C2CD5: variants seen among roughly 807,000 people sequenced by gnomAD.
The protein encoded by C2CD5 is C2 calcium dependent domain containing 5.
Under a neutral mutation model 130.3 loss-of-function variants are expected in C2CD5, and 109 were observed. The ratio of observed to expected loss-of-function variants is 0.84; its 90% confidence interval spans 0.72 to 0.98. The LOEUF (loss-of-function observed/expected upper bound fraction) is 0.98. Among genes scored for constraint, C2CD5 ranks in the 50% least tolerant of loss-of-function variants. C2CD5 has a pLI of 0.00. For missense variants in C2CD5, 996 were observed against 1,261.8 expected (o/e 0.79, Z 3.19); for synonymous variants, 454 against 429.2 (o/e 1.06, Z -0.71).
chr12:22,454,250 C>T (rs1042532635), intron 25 of C2CD5, among the ~76,000 whole-genome samples: 1 of 152,144 alleles, frequency 6.6e-6, no homozygotes, highest in Non-Finnish European at 1.5e-5. Context: ...ACTACCTTTA[C>T]TTTACAGATG....
chr12:22,474,097 C>T (rs1163851882), intron 16 of C2CD5, among the ~76,000 whole-genome samples: 3 of 152,230 alleles, frequency 2.0e-5, no homozygotes, highest in East Asian at 3.9e-4. Flanking sequence ...ACACCAAGAT[C>T]AAAGCATCTG....
chr12:22,523,220 T>A (rs765091719), intron 7 of C2CD5, among the ~76,000 whole-genome samples: 1 of 151,780 alleles, frequency 6.6e-6, no homozygotes, highest in Non-Finnish European at 1.5e-5. Flanking sequence ...TCACAAAAAA[T>A]AAAAATAAAA....
chr12:22,535,378 T>C, intron 2 of C2CD5, 34 bp from the exon 3 acceptor site: 1 of 1,132,226 alleles, frequency 8.8e-7, no homozygotes, highest in South Asian at 1.3e-5. Context: ...CACATATGAA[T>C]ATCAAAAATG....
intron 17 of C2CD5, 105 bp downstream of exon 17, chr12:22,472,639 T>G: frequency 1.3e-6 from 1 of 782,984 alleles, no homozygotes; most frequent in Admixed American, 1.8e-5. Context: ...GCTGTGACAC[T>G]GTGATAAGTC....
intron 7 of C2CD5, among the ~76,000 whole-genome samples, chr12:22,518,520 T>C (rs1273447447): frequency 6.6e-6 from 1 of 152,234 alleles, no homozygotes; most frequent in East Asian, 1.9e-4. Flanking sequence ...ATTGTTTTTA[T>C]ATTTGCACAC....
At chr12:22,525,397 T>C (rs2052692749) in intron 5 of C2CD5, among the ~76,000 whole-genome samples, 1 of 152,188 alleles carries the variant, frequency 6.6e-6, no homozygotes, top group Non-Finnish European at 1.5e-5. Context: ...CACTGGATTT[T>C]TCTAATAAAA....
intron 8 of C2CD5, chr12:22,515,008 A>T (rs1949572217): frequency 1.0e-6 from 1 of 985,398 alleles, no homozygotes; most frequent in Non-Finnish European, 1.2e-6. Context: ...TTTTCCTCAG[A>T]ACTGGGCTGA....
chr12:22,544,288 G>A (rs1952732818), intron 1 of C2CD5, 32 bp downstream of exon 1: 2 of 662,204 alleles, frequency 3.0e-6, no homozygotes, highest in Non-Finnish European at 4.8e-6. Flanking sequence ...GCGCGCGGGC[G>A]CCCGGCAGTC....
At chr12:22,490,793 C>T (rs911513158) in intron 11 of C2CD5, among the ~76,000 whole-genome samples, 45 of 152,142 alleles carry the variant, frequency 3.0e-4, no homozygotes, top group African/African-American at 9.6e-4. Context: ...TATTATATGT[C>T]ACCCAATTTG....
chr12:22,520,457 T>C (rs1298107076), intron 7 of C2CD5, among the ~76,000 whole-genome samples: 1 of 152,158 alleles, frequency 6.6e-6, no homozygotes, highest in Non-Finnish European at 1.5e-5. Flanking sequence ...ATATTACTGA[T>C]TTTGCAATAG....
At chr12:22,468,536 G>A (rs1346521281) in intron 22 of C2CD5, among the ~76,000 whole-genome samples, 4 of 152,172 alleles carry the variant, frequency 2.6e-5, no homozygotes, top group Non-Finnish European at 5.9e-5. Context: ...ACTCTTGACA[G>A]TTCTGCTTTC....
In C2CD5 at chr12:22,484,862, C is replaced by T; in HGVS notation, c.1385G>A (p.Cys462Tyr). ...ATCATATGGTATATGACAAAATCCA[C>T]AACGTGTAGGCAAATTTTCTTCAAG... Reference protein sequence around the residue: ...QRLEENLPTRCGFCHIPYDEL... With the variant: ...QRLEENLPTRYGFCHIPYDEL... The change falls in exon 13 of 27, where the codon TGT becomes TAT. Residue 462 changes from cysteine (C) to tyrosine (Y), a missense_variant. This residue lies in a region of C2CD5 where 590 missense variants were observed against 631.4 expected (regional missense o/e 0.93). Transcript: ENST00000446597. 1 of 1,557,392 alleles carries T rather than the reference C, an allele frequency of 6.4e-7. No individual in the cohort carries two copies. The highest frequency in any genetic ancestry group is 1.3e-5 in the South Asian group (1 of 79,428).
chr12:22,501,704 G>A (rs1489692712), intron 10 of C2CD5, among the ~76,000 whole-genome samples: 1 of 152,070 alleles, frequency 6.6e-6, no homozygotes, highest in African/African-American at 2.4e-5. Context: ...ATCTGTAAAT[G>A]TTGGACTTAT....
chr12:22,538,789 T>C (rs546644926), intron 2 of C2CD5, among the ~76,000 whole-genome samples: 1 of 152,128 alleles, frequency 6.6e-6, no homozygotes, highest in South Asian at 2.1e-4. Flanking sequence ...CACCTGAAAA[T>C]TTTTTCTTCC....
rs192318830 is a variant in C2CD5, at chr12:22,520,658, T to C, written c.801-2521A>G. Among the ~76,000 whole-genome samples, 478 of 152,126 alleles carry C rather than the reference T, an allele frequency of 3.1e-3. 7 individuals carry two copies. The highest frequency in any genetic ancestry group is 0.011 in the African/African-American group (466 of 41,518). On this transcript the variant is annotated intron_variant, in intron 7 of 26. Coordinates refer to ENST00000446597, the MANE Select transcript of C2CD5 (RefSeq NM_001286176.2). ...AAAAAGAATTAAAAAATCCAAGACTTAAAAATAAACAATGCTATATTTATT... is the reference window on the plus strand; with the variant it reads ...AAAAAGAATTAAAAAATCCAAGACTCAAAAATAAACAATGCTATATTTATT...
At chr12:22,520,849 T>G (rs1312116577) in intron 7 of C2CD5, among the ~76,000 whole-genome samples, 2 of 151,968 alleles carry the variant, frequency 1.3e-5, no homozygotes, top group South Asian at 4.1e-4. Context: ...GAAAAAAACT[T>G]AGGAAGTAGA....
At chr12:22,491,743 G>A (rs1337755258) in intron 11 of C2CD5, among the ~76,000 whole-genome samples, 3 of 151,920 alleles carry the variant, frequency 2.0e-5, no homozygotes, top group African/African-American at 7.3e-5. Flanking sequence ...AGGAAGGCAG[G>A]CACCTGTAAT....
intron 9 of C2CD5, among the ~76,000 whole-genome samples, chr12:22,507,477 T>C (rs2136747561): frequency 6.6e-6 from 1 of 152,292 alleles, no homozygotes; most frequent in South Asian, 2.1e-4. Flanking sequence ...AGGAAGGCAA[T>C]AAAATTCCAC....
chr12:22,538,560 G>C (rs181671874), intron 2 of C2CD5, among the ~76,000 whole-genome samples: 1 of 152,226 alleles, frequency 6.6e-6, no homozygotes, highest in South Asian at 2.1e-4. Context: ...GTCACTTAAC[G>C]GAGGTTGTTA....
Sources: allele counts gnomAD v4.1 joint callset (sites outside exome capture counted in the v4.1 genomes callset), GRCh38; gene constraint gnomAD v4.1.1; regional missense constraint gnomAD v4.1.1; transcripts MANE v1.5; gene names NCBI Gene and HGNC (gene_info 2026-07-23, HGNC 2026-07-21).